The following CEP104 variants were observed in gnomAD, a reference collection of about 807,000 sequenced individuals.
CEP104 encodes centrosomal protein 104.
Under a neutral mutation model 113.3 loss-of-function variants are expected in CEP104, and 84 were observed. That is an observed-to-expected ratio of 0.74 (90% CI 0.62 to 0.89). The LOEUF is 0.89. CEP104 is among the 40% of genes least tolerant of loss of function. CEP104 has a pLI of 0.00. For synonymous variants in CEP104, 378 were observed against 421.7 expected, an observed-to-expected ratio of 0.90 and a Z score of 1.27; for missense variants, 1,053 against 1,156.6, an observed-to-expected ratio of 0.91 and a Z score of 1.30.
At chr1:3,830,858 A>G (rs1032099900) in intron 13 of CEP104, among the ~76,000 whole-genome samples, 188 bp downstream of exon 13, 1 of 151,868 alleles carries the variant, frequency 6.6e-6, no homozygotes, top group Non-Finnish European at 1.5e-5. Flanking sequence ...CACACCATGC[A>G]CCACCGAGTA....
chr1:3,838,278 G>T (rs1570815662), intron 8 of CEP104, among the ~76,000 whole-genome samples: 1 of 152,182 alleles, frequency 6.6e-6, no homozygotes, highest in African/African-American at 2.4e-5. Flanking sequence ...TCACTCTCCT[G>T]AGTAGCTAGG....
rs1195289273 is a variant in CEP104 at position 3,833,775 on chromosome 1, A to C, written c.1659+87T>G. Reference sequence around the variant, plus strand: ...AATAATGTTAACTGAGTAGAGACAGAATCTTGTAAAAGGTGTTAAGAAAGC... The same window carrying C: ...AATAATGTTAACTGAGTAGAGACAGCATCTTGTAAAAGGTGTTAAGAAAGC... On this transcript the variant is annotated intron_variant, in intron 12 of 21. Coordinates refer to ENST00000378230, the MANE Select transcript of CEP104 (RefSeq NM_014704.4). 4.0e-6 allele frequency: 5 copies of C among 1,261,032 alleles called. No homozygotes were observed. The African/African-American group carries it at 7.4e-5, about 19-fold the overall frequency. 78.1% of individuals were successfully genotyped at this position (1,261,032 alleles called of 1,614,324 possible).
rs191635694 is a variant in CEP104 at position 3,816,913 on chromosome 1, G to C, written c.2572-543C>G. ...GCTTCTTTCCTTTACGACCAGCTGTGGGACCGTCTGCATGGGGACAGGGAG... is the reference window on the plus strand; with the variant it reads ...GCTTCTTTCCTTTACGACCAGCTGTCGGACCGTCTGCATGGGGACAGGGAG... On this transcript the variant is annotated intron_variant, in intron 20 of 21. Coordinates refer to ENST00000378230, the MANE Select transcript of CEP104 (RefSeq NM_014704.4). Among the ~76,000 whole-genome samples the C allele has an allele frequency of 2.7e-3, 408 of 152,390 alleles. 2 individuals are homozygous for C. The highest frequency in any genetic ancestry group is 9.4e-3 in the African/African-American group (389 of 41,600).
chr1:3,828,837 A>G (rs1281470655), intron 15 of CEP104, among the ~76,000 whole-genome samples: 5 of 117,002 alleles, frequency 4.3e-5, no homozygotes, highest in South Asian at 2.5e-4. Flanking sequence ...AGTACATATG[A>G]CACCCCCACA....
chr1:3,820,072 C>G (rs1007558683), intron 20 of CEP104, among the ~76,000 whole-genome samples: 2 of 152,106 alleles, frequency 1.3e-5, no homozygotes, highest in Non-Finnish European at 2.9e-5. Flanking sequence ...TCTGCTTATG[C>G]TGAAGGGTGT....
At position 3,839,031 on chromosome 1, in the gene CEP104, T is replaced by C; in HGVS notation, c.824A>G (p.Gln275Arg). 6.2e-7 allele frequency: 1 copy of C among 1,614,126 alleles called. No homozygotes were observed. Among genetic ancestry groups the C allele is most frequent in the Non-Finnish European group, 8.5e-7 (1 of 1,179,994 alleles). Reference protein sequence around the residue: ...DYDLAKEKKQQMEQYRAEVYE... With the variant: ...DYDLAKEKKQRMEQYRAEVYE... Reference sequence around the variant, plus strand: ...CACCTCGGCACGATACTGCTCCATCTGCTGCTTCTTCTCCTTGGCGAGATC... The same window carrying C: ...CACCTCGGCACGATACTGCTCCATCCGCTGCTTCTTCTCCTTGGCGAGATC... The change falls in exon 8 of 22, where the codon CAG (glutamine) becomes CGG (arginine). Residue 275 changes from glutamine to arginine, a missense_variant. By Grantham distance (43) the Gln-to-Arg change is conservative. Transcript: ENST00000378230.
At chr1:3,834,838 CCT>C in intron 11 of CEP104, 85 bp downstream of exon 11, 2 of 1,262,852 alleles carry the variant, frequency 1.6e-6, no homozygotes, top group Non-Finnish European at 2.2e-6. Context: ...ACCAACTGGT[CCT>C]CTCTCAAGCT....
Position 3,827,022 on chromosome 1 carries a change from G to A in CEP104, c.2152-278C>T, listed in dbSNP as rs113050588. 4.3e-3 allele frequency among the ~76,000 whole-genome samples: 658 copies of A among 152,158 alleles called. No individual in the cohort carries two copies. The highest frequency in any genetic ancestry group is 0.015 in the African/African-American group (626 of 41,506). On this transcript the variant is annotated intron_variant, in intron 15 of 21. Transcript: ENST00000378230. ...ACAAAACTTAGCTGGGTGTGGTGGC[G>A]TGCCCTGTAGTCCCAGCTACTCAGG...
At chr1:3,836,399 T>C in intron 10 of CEP104, 96 bp downstream of exon 10, 9 of 1,300,202 alleles carry the variant, frequency 6.9e-6, no homozygotes, top group South Asian at 5.8e-5. Flanking sequence ...CGTGGGCGTT[T>C]TCCCTCCTTT....
chr1:3,836,811 G>T, intron 9 of CEP104, 119 bp from the exon 10 acceptor site: 1 of 772,882 alleles, frequency 1.3e-6, no homozygotes, highest in Non-Finnish European at 2.1e-6. Flanking sequence ...ATGTTATTTT[G>T]CTAAATATCA....
intron 6 of CEP104, among the ~76,000 whole-genome samples, chr1:3,843,830 C>T (rs1557686114): frequency 2.0e-5 from 3 of 151,780 alleles, no homozygotes; most frequent in East Asian, 1.9e-4. Context: ...GGCACAATCT[C>T]GGCTCACCAC....
intron 1 of CEP104, among the ~76,000 whole-genome samples, chr1:3,855,018 C>T (rs113135814): frequency 0.04 from 6,106 of 150,984 alleles, 428 homozygotes; most frequent in African/African-American, 0.14. Context: ...ATTACAGGTG[C>T]GCACCACCAC....
chr1:3,821,930 A>G (rs1643982269), intron 20 of CEP104, among the ~76,000 whole-genome samples: 1 of 152,186 alleles, frequency 6.6e-6, no homozygotes. Flanking sequence ...GATGCTTCTG[A>G]CCTGATGAGA....
chr1:3,835,461 C>G (rs922863214), intron 10 of CEP104, among the ~76,000 whole-genome samples: 5 of 152,196 alleles, frequency 3.3e-5, no homozygotes, highest in Non-Finnish European at 7.3e-5. Context: ...CCTCTGTCCC[C>G]CTGCGGGTTC....
In CEP104 at chr1:3,836,643, T is replaced by C. The variant is rs145728798; in HGVS notation, c.1169A>G (p.His390Arg). Reference protein sequence around the residue: ...DERPLPAIRKHYGEAVVEPEM... With the variant: ...DERPLPAIRKRYGEAVVEPEM... ...CGGCTCCACCACTGCCTCCCCATAA[T>C]GCTTACGAATAGCTGGAAGAGGCCG... Residue 390 changes from histidine (H) to arginine (R), a missense_variant, in exon 10 of 22, where the codon CAT becomes CGT. His to Arg is a conservative substitution (Grantham distance 29). Coordinates refer to ENST00000378230, the MANE Select transcript of CEP104 (RefSeq NM_014704.4). 2,945 of 1,613,894 alleles carry C rather than the reference T, an allele frequency of 1.8e-3. 14 individuals carry two copies. Among genetic ancestry groups the C allele is most frequent in the Non-Finnish European group, 1.6e-3 (1,928 of 1,180,010 alleles).
At chr1:3,829,727 A>G in intron 14 of CEP104, 64 bp downstream of exon 14, 1 of 1,488,990 alleles carries the variant, frequency 6.7e-7, no homozygotes, top group Non-Finnish European at 9.4e-7. Flanking sequence ...TTATTTACGT[A>G]CCGAGTAACT....
chr1:3,825,213 T>G (rs1644066913), intron 18 of CEP104, among the ~76,000 whole-genome samples: 1 of 152,036 alleles, frequency 6.6e-6, no homozygotes, highest in Non-Finnish European at 1.5e-5. Context: ...ACAACCCCTT[T>G]GGAGCACTCC....
In CEP104 at chr1:3,829,667, A is replaced by G. The variant is rs1315838030; in HGVS notation, c.2043+124T>C. ...CGGGAACCTGTGTTCTTTCTTAGCC[A>G]GGACGCCGGGGCTTCCCATACATGT... On this transcript the variant is annotated intron_variant, in intron 14 of 21. Transcript: ENST00000378230. 13 of 1,049,768 alleles carry G rather than the reference A, an allele frequency of 1.2e-5. No individual in the cohort carries two copies. In the East Asian group the frequency reaches 2.8e-4, roughly 23 times the overall value. 65.0% of individuals were successfully genotyped at this position (1,049,768 alleles called of 1,614,324 possible). A position where few individuals can be genotyped will look rare whatever the true frequency, so the allele number is the denominator to read the frequency against.
At chr1:3,852,838 A>C (rs1292191411) in intron 1 of CEP104, among the ~76,000 whole-genome samples, 1 of 152,210 alleles carries the variant, frequency 6.6e-6, no homozygotes, top group African/African-American at 2.4e-5. Context: ...ACACAGCCAC[A>C]CAAAGGGAGA....
Sources: allele counts gnomAD v4.1 joint callset (sites outside exome capture counted in the v4.1 genomes callset), GRCh38; gene constraint gnomAD v4.1.1; transcripts MANE v1.5; gene names NCBI Gene and HGNC (gene_info 2026-07-23, HGNC 2026-07-21).